COA1: variants seen among roughly 807,000 people sequenced by gnomAD.
The protein encoded by COA1 is cytochrome c oxidase assembly factor 1.
COA1 carries 13 observed loss-of-function variants against 16.0 expected under a neutral mutation model. The observed-to-expected ratio is 0.81, with a 90% CI of 0.53 to 1.29. The LOEUF (loss-of-function observed/expected upper bound fraction) is 1.29. Among genes scored for constraint, COA1 ranks in the 50% most tolerant of loss-of-function variants. The probability of loss-of-function intolerance (pLI) is 0.00; values close to 1 mark genes in which losing one functional copy is unlikely to be tolerated. For synonymous variants in COA1, 65 were observed against 65.7 expected (o/e 0.99, Z 0.05); for missense variants, 179 against 177.0 (o/e 1.01, Z -0.06).
downstream of COA1, among the ~76,000 whole-genome samples, chr7:43,636,462 A>AGAT (rs2085896664): frequency 6.6e-6 from 1 of 152,238 alleles, no homozygotes; most frequent in African/African-American, 2.4e-5. Context: ...CATATTTTTC[A>AGAT]GATGGACAAA....
intron 1 of COA1, among the ~76,000 whole-genome samples, chr7:43,692,207 A>G (rs2094393570): frequency 6.6e-6 from 1 of 152,168 alleles, no homozygotes; most frequent in South Asian, 2.1e-4. Context: ...CAAGTTAATA[A>G]AAGTTCCTTT....
At chr7:43,699,451 T>A (rs576833603) in intron 1 of COA1, among the ~76,000 whole-genome samples, 70 of 152,308 alleles carry the variant, frequency 4.6e-4, no homozygotes, top group African/African-American at 1.2e-3. Context: ...TTGTTTTTTT[T>A]AAAAAGTGAA....
intron 1 of COA1, among the ~76,000 whole-genome samples, chr7:43,663,687 A>AAAAC (rs1554519874): frequency 3.9e-5 from 5 of 129,354 alleles, no homozygotes; most frequent in Non-Finnish European, 8.6e-5. Flanking sequence ...AAAAAAAAAA[A>AAAAC]ACACACACAC....
intron 1 of COA1, among the ~76,000 whole-genome samples, chr7:43,678,963 A>G (rs771890471): frequency 6.6e-6 from 1 of 152,224 alleles, no homozygotes; most frequent in Non-Finnish European, 1.5e-5. Flanking sequence ...TAAGTCAAAG[A>G]AAAATCAAAA....
chr7:43,624,868 G>A, intron 6 of COA1: 1 of 1,546,244 alleles, frequency 6.5e-7, no homozygotes, highest in Non-Finnish European at 8.7e-7. Context: ...AGAACTTCAA[G>A]ATTTCTACAT....
At chr7:43,626,286 G>A (rs2084532432) in intron 6 of COA1, 1 of 152,142 alleles carries the variant, frequency 6.6e-6, no homozygotes, top group Non-Finnish European at 1.5e-5. Context: ...CTATTTTAAA[G>A]TATGTACAGT....
chr7:43,613,625 A>G (rs2083076362), intron 6 of COA1, among the ~76,000 whole-genome samples: 1 of 152,110 alleles, frequency 6.6e-6, no homozygotes, highest in South Asian at 2.1e-4. Context: ...GAAGGACCAC[A>G]TGAGCCCAGG....
chr7:43,726,963 G>A (rs550244315), intron 1 of COA1, among the ~76,000 whole-genome samples: 20 of 152,304 alleles, frequency 1.3e-4, no homozygotes, highest in African/African-American at 4.1e-4. Flanking sequence ...AGGGAAATAC[G>A]ATTTGAAACC....
Position 43,714,445 on chromosome 7 carries a change from T to C in COA1, c.-39+14984A>G, listed in dbSNP as rs538853971. ...GAGTTCAACGCTAGCCTGGCCAACA[T>C]GGTGAAACCCCATCTCTACTAAGAA... On this transcript the variant is annotated intron_variant, in intron 1 of 5. Coordinates refer to ENST00000223336, the MANE Select transcript of COA1 (RefSeq NM_018224.4). Among the ~76,000 whole-genome samples the C allele has an allele frequency of 8.6e-5, 13 of 151,732 alleles. No homozygotes were observed. In the East Asian group the frequency reaches 2.5e-3, roughly 30 times the overall value.
chr7:43,673,796 T>C (rs939891583), intron 1 of COA1, among the ~76,000 whole-genome samples: 1 of 152,220 alleles, frequency 6.6e-6, no homozygotes, highest in Non-Finnish European at 1.5e-5. Context: ...ATATACACCA[T>C]GGAATAATAT....
intron 1 of COA1, among the ~76,000 whole-genome samples, chr7:43,725,408 A>G (rs2095595806): frequency 6.6e-6 from 1 of 152,208 alleles, no homozygotes; most frequent in African/African-American, 2.4e-5. Context: ...AAAAGACAAA[A>G]CACTGAAACA....
At chr7:43,640,708 A>G (rs984885077) in intron 4 of COA1, 59 bp from the exon 5 acceptor site, 2 of 1,240,438 alleles carry the variant, frequency 1.6e-6, no homozygotes, top group East Asian at 4.9e-5. Context: ...GTCATTTCAG[A>G]AGATGACAAA....
rs2086902479 is a variant in COA1, at chr7:43,640,995, C to A, written c.265-346G>T. ...CGATGAATATCAAAAACACACCAAG[C>A]CAAAGGGCTTTACACAGGAGGAGTA... is the stretch of plus-strand genomic sequence containing the variant. On this transcript the variant is annotated intron_variant, in intron 4 of 5. Transcript: ENST00000223336. The A allele has an allele frequency of 3.5e-5, 7 of 201,014 alleles. No homozygotes were observed. In the South Asian group the frequency reaches 6.7e-4, roughly 19 times the overall value. 12.5% of individuals were successfully genotyped at this position (201,014 alleles called of 1,614,324 possible). A position where few individuals can be genotyped will look rare whatever the true frequency, so the allele number is the denominator to read the frequency against.
At chr7:43,637,106 AT>A (rs1382494363), downstream of COA1, among the ~76,000 whole-genome samples, 1 of 152,146 alleles carries the variant, frequency 6.6e-6, no homozygotes, top group South Asian at 2.1e-4. Context: ...ATGTCTGCTT[AT>A]CAAAATCTTG....
rs190489320 is a variant in COA1 at position 43,695,826 on chromosome 7, C to A, written c.-39+33603G>T. On this transcript the variant is annotated intron_variant, in intron 1 of 5. Transcript: ENST00000223336. ...ACTAGTAAAACTGAAAATGCATATA[C>A]CCTTCAGCCTAGCAATTGCAGTTCT... Among the ~76,000 whole-genome samples, 18 of 152,258 alleles carry A rather than the reference C, an allele frequency of 1.2e-4. 1 individual carries two copies. The East Asian group carries it at 3.5e-3, about 29-fold the overall frequency.
intron 6 of COA1, among the ~76,000 whole-genome samples, chr7:43,627,987 T>TTTGTG (rs1258482142): frequency 6.6e-6 from 1 of 152,084 alleles, no homozygotes; most frequent in Non-Finnish European, 1.5e-5. Flanking sequence ...CTTGTTTTGT[T>TTTGTG]TTGTGTTGTG....
downstream of COA1, among the ~76,000 whole-genome samples, chr7:43,638,566 CTTTTTTTTTTT>C (rs746584234): frequency 1.0e-5 from 1 of 97,426 alleles, no homozygotes; most frequent in South Asian, 3.2e-4. Flanking sequence ...TTTTTCTTTC[CTTTTTTTTTTT>C]TTTTTTTTTT....
At chr7:43,698,164 G>A (rs2094587849) in intron 1 of COA1, among the ~76,000 whole-genome samples, 1 of 152,128 alleles carries the variant, frequency 6.6e-6, no homozygotes, top group Admixed American at 6.5e-5. Flanking sequence ...ACTTTGCAAA[G>A]TCAAAACACA....
At chr7:43,644,790 G>A (rs879121499) in intron 4 of COA1, among the ~76,000 whole-genome samples, 7,354 of 38,664 alleles carry the variant, frequency 0.19, 500 homozygotes, top group Middle Eastern at 0.31. Flanking sequence ...AGGCAGGCAG[G>A]CAGAGAGACA....
Sources: gnomAD v4.1 joint callset for allele counts (sites outside exome capture counted in the v4.1 genomes callset) on GRCh38, gnomAD v4.1.1 for gene constraint, MANE v1.5 for transcripts, NCBI Gene and HGNC (gene_info 2026-07-23, HGNC 2026-07-21) for gene names.